The following LGR4 variants were observed in gnomAD, a reference collection of about 807,000 sequenced individuals.
LGR4 encodes leucine rich repeat containing G protein-coupled receptor 4.
A neutral mutation model predicts 84.8 loss-of-function variants in LGR4; 44 were observed. The ratio of observed to expected loss-of-function variants is 0.52; its 90% CI spans 0.41 to 0.67. LGR4 has a LOEUF of 0.67. Ranked by LOEUF, LGR4 falls within the 30% of genes least tolerant of loss-of-function variation. The probability of loss-of-function intolerance (pLI) is 0.00; values close to 1 mark genes in which losing one functional copy is unlikely to be tolerated. For synonymous variants in LGR4, 429 were observed against 434.3 expected, an observed-to-expected ratio of 0.99 and a Z score of 0.15; for missense variants, 1,032 against 1,131.4, an observed-to-expected ratio of 0.91 and a Z score of 1.26.
intron 4 of LGR4, among the ~76,000 whole-genome samples, chr11:27,386,094 C>G (rs960483210): frequency 5.9e-5 from 9 of 152,010 alleles, no homozygotes; most frequent in Admixed American, 3.9e-4. Flanking sequence ...AATCAGTATA[C>G]CAAAATTAAC....
At chr11:27,444,114 T>A (rs1864348748) in intron 1 of LGR4, among the ~76,000 whole-genome samples, 1 of 151,744 alleles carries the variant, frequency 6.6e-6, no homozygotes, top group Non-Finnish European at 1.5e-5. Context: ...ATAGCAGGGA[T>A]TTTCTGAAAC....
chr11:27,448,152 A>G (rs1269194892), intron 1 of LGR4, among the ~76,000 whole-genome samples: 1 of 152,224 alleles, frequency 6.6e-6, no homozygotes, highest in East Asian at 1.9e-4. Context: ...GCTCTTTTCA[A>G]AGACCTTACC....
intron 1 of LGR4, chr11:27,471,583 A>AT (rs1864873017): frequency 6.6e-6 from 1 of 152,236 alleles, no homozygotes. Context: ...TTGGAAGGAG[A>AT]TTCGCCCTGA....
At chr11:27,396,023 T>C (rs538404665) in intron 2 of LGR4, among the ~76,000 whole-genome samples, 1 of 152,222 alleles carries the variant, frequency 6.6e-6, no homozygotes, top group Non-Finnish European at 1.5e-5. Context: ...GTGATACTGA[T>C]AGCTGGTACA....
At chr11:27,393,234 C>T (rs1863318827) in intron 2 of LGR4, among the ~76,000 whole-genome samples, 1 of 152,084 alleles carries the variant, frequency 6.6e-6, no homozygotes, top group Non-Finnish European at 1.5e-5. Flanking sequence ...AGAAGAAAAA[C>T]TTGAACAGAG....
At position 27,435,248 on chromosome 11, in the gene LGR4, G is replaced by C. The variant is rs569563954; in HGVS notation, c.186-22388C>G. ...CTTGGGAGGCTGAGGAAGGAGAATA[G>C]CTTGAACCCAGGAAGCAGAGGCTGC... On this transcript the variant is annotated intron_variant, in intron 1 of 17. Coordinates refer to ENST00000379214, the MANE Select transcript of LGR4 (RefSeq NM_018490.5). Among the ~76,000 whole-genome samples, 41 of 151,872 alleles carry C rather than the reference G, an allele frequency of 2.7e-4. No homozygotes were observed. In the South Asian group the frequency reaches 5.4e-3, roughly 20 times the overall value.
chr11:27,471,528 T>C (rs1864871958), intron 1 of LGR4, among the ~76,000 whole-genome samples: 1 of 152,244 alleles, frequency 6.6e-6, no homozygotes, highest in South Asian at 2.1e-4. Flanking sequence ...CGAGTGGAAC[T>C]GGGCCGAGGT....
At chr11:27,379,706 C>T (rs774860062) in intron 10 of LGR4, among the ~76,000 whole-genome samples, 2 of 152,162 alleles carry the variant, frequency 1.3e-5, no homozygotes, top group African/African-American at 2.4e-5. Context: ...CATGCACAGA[C>T]CACTCACTGG....
At position 27,367,658 on chromosome 11, in the gene LGR4, G is replaced by A; in HGVS notation, c.*209C>T. ...ATTTGTTTCAAACAGATCATACATT[G>A]CTTGGACATTGCATTTTTCACCAAT... On this transcript the variant is annotated 3_prime_UTR_variant, in exon 18 of 18. Transcript: ENST00000379214. The A allele has an allele frequency of 2.0e-6, 1 of 491,914 alleles. No homozygotes were observed. The highest frequency in any genetic ancestry group is 3.6e-6 in the Non-Finnish European group (1 of 279,012). 30.5% of individuals were successfully genotyped at this position (491,914 alleles called of 1,614,324 possible). A position where few individuals can be genotyped will look rare whatever the true frequency, so the allele number is the denominator to read the frequency against.
intron 1 of LGR4, among the ~76,000 whole-genome samples, chr11:27,413,643 G>A (rs997675027): frequency 2.0e-5 from 3 of 152,122 alleles, no homozygotes; most frequent in African/African-American, 7.2e-5. Flanking sequence ...GCATGCGCTG[G>A]GGCAGTGGAG....
intron 1 of LGR4, among the ~76,000 whole-genome samples, chr11:27,454,256 T>C (rs959023920): frequency 3.9e-5 from 6 of 152,214 alleles, no homozygotes; most frequent in Non-Finnish European, 7.3e-5. Context: ...CAGGTATTGA[T>C]TGATATATTA....
At chr11:27,465,557 G>A (rs1047376185) in intron 1 of LGR4, among the ~76,000 whole-genome samples, 1 of 152,212 alleles carries the variant, frequency 6.6e-6, no homozygotes, top group Non-Finnish European at 1.5e-5. Flanking sequence ...ATTTGTCTAT[G>A]TGTGAGTGAA....
chr11:27,392,600 T>C, intron 2 of LGR4, 82 bp from the exon 3 acceptor site: 1 of 1,128,660 alleles, frequency 8.9e-7, no homozygotes, highest in Non-Finnish European at 1.3e-6. Context: ...ACCTAATCTG[T>C]GATTAAAACT....
chr11:27,413,359 T>C (rs61578227), intron 1 of LGR4, among the ~76,000 whole-genome samples: 2,253 of 152,256 alleles, frequency 0.015, 149 homozygotes, highest in East Asian at 0.1. Context: ...GTGGATTTCA[T>C]GTTCCGCCTA....
intron 13 of LGR4, among the ~76,000 whole-genome samples, chr11:27,375,251 C>T (rs994655640): frequency 1.4e-5 from 2 of 146,344 alleles, no homozygotes; most frequent in South Asian, 2.2e-4. Flanking sequence ...GCTGTGATTA[C>T]ACCACTGCAT....
intron 1 of LGR4, among the ~76,000 whole-genome samples, chr11:27,427,181 T>G (rs1864036883): frequency 6.6e-6 from 1 of 152,182 alleles, no homozygotes; most frequent in African/African-American, 2.4e-5. Context: ...AGTGGATGTA[T>G]TATTGATGGT....
At chr11:27,424,167 T>C (rs1436704166) in intron 1 of LGR4, among the ~76,000 whole-genome samples, 1 of 152,170 alleles carries the variant, frequency 6.6e-6, no homozygotes, top group Non-Finnish European at 1.5e-5. Context: ...CTAATTCCTC[T>C]AACCTCCAGC....
At position 27,372,318 on chromosome 11, in the gene LGR4, T is replaced by C. The variant is rs752767724; in HGVS notation, c.1460A>G (p.Asn487Ser). The change falls in exon 16 of 18, where the codon AAC (asparagine) becomes AGC (serine). Residue 487 changes from asparagine to serine, a missense_variant. Asn to Ser is a conservative substitution (Grantham distance 46). Coordinates refer to ENST00000379214, the MANE Select transcript of LGR4 (RefSeq NM_018490.5). ...TGCCACACTGTGGTCCTGGAGGCTG[T>C]TATCTTCTGTGTTTAAATTTGCATA... ...DSYANLNTED[N>S]SLQDHSVAQE... The C allele has an allele frequency of 6.2e-7, 1 of 1,613,480 alleles. No homozygotes were observed. The highest frequency in any genetic ancestry group is 2.2e-5 in the East Asian group (1 of 44,884).
chr11:27,381,031 C>A (rs1863083759), intron 7 of LGR4, 65 bp from the exon 8 acceptor site: 1 of 841,522 alleles, frequency 1.2e-6, no homozygotes, highest in Non-Finnish European at 2.0e-6. Flanking sequence ...ACCCAAGTAT[C>A]TACTGCTGTT....
Sources: gnomAD v4.1 joint callset for allele counts (sites outside exome capture counted in the v4.1 genomes callset) on GRCh38, gnomAD v4.1.1 for gene constraint, MANE v1.5 for transcripts, NCBI Gene and HGNC (gene_info 2026-07-23, HGNC 2026-07-21) for gene names.